The following MACF1 variants were observed in gnomAD, a reference collection of about 807,000 sequenced individuals.
MACF1 encodes microtubule-actin cross-linking factor 1.
In MACF1, 193 loss-of-function variants were observed where a neutral mutation model predicts 854.8. The observed-to-expected ratio is 0.23, with a 90% CI of 0.20 to 0.25. The LOEUF is 0.25. Ranked by LOEUF, MACF1 falls within the 10% of genes least tolerant of loss-of-function variation. MACF1 has a pLI of 1.00. For missense variants in MACF1, 7,722 were observed against 8,929.1 expected, an observed-to-expected ratio of 0.86 and a Z score of 5.45; for synonymous variants, 3,185 against 3,226.7, an observed-to-expected ratio of 0.99 and a Z score of 0.44.
At chr1:39,474,094 A>G (rs536120232) in intron 97 of MACF1, among the ~76,000 whole-genome samples, 23 of 152,092 alleles carry the variant, frequency 1.5e-4, no homozygotes, top group Admixed American at 3.3e-4. Flanking sequence ...TCTCTGTTTT[A>G]AAATAAAATA....
intron 6 of MACF1, chr1:39,268,617 C>T (rs1035275914): frequency 3.4e-6 from 4 of 1,193,960 alleles, no homozygotes; most frequent in South Asian, 1.6e-5. Flanking sequence ...GCATCGAATC[C>T]GATGAGGCCA....
intron 2 of MACF1, among the ~76,000 whole-genome samples, chr1:39,138,571 A>G (rs990262920): frequency 2.0e-5 from 3 of 151,688 alleles, no homozygotes; most frequent in Admixed American, 2.0e-4. Context: ...GGCGACAGAG[A>G]GAGACTCTGT....
intron 2 of MACF1, among the ~76,000 whole-genome samples, chr1:39,121,443 T>A (rs1390326271): frequency 6.6e-6 from 1 of 151,264 alleles, no homozygotes; most frequent in Non-Finnish European, 1.5e-5. Flanking sequence ...TGTTTTATTT[T>A]ATTTATTTAT....
chr1:39,243,516 C>T (rs1040479447), intron 2 of MACF1, among the ~76,000 whole-genome samples: 3 of 152,170 alleles, frequency 2.0e-5, no homozygotes, highest in African/African-American at 7.2e-5. Context: ...ACCCTCCCAC[C>T]TCAGACTCCT....
intron 60 of MACF1, 28 bp from the exon 61 acceptor site, chr1:39,424,000 T>A (rs774294126): frequency 6.3e-7 from 1 of 1,576,898 alleles, no homozygotes; most frequent in South Asian, 1.2e-5. Flanking sequence ...TGATCCTGTG[T>A]TACAGCTTTT....
intron 2 of MACF1, among the ~76,000 whole-genome samples, chr1:39,129,174 G>A (rs1571076684): frequency 6.6e-6 from 1 of 152,130 alleles, no homozygotes; most frequent in Non-Finnish European, 1.5e-5. Context: ...GTCAAGATGG[G>A]GTGTGTGCCT....
chr1:39,262,820 A>G (rs897374944), intron 6 of MACF1, among the ~76,000 whole-genome samples: 1 of 152,154 alleles, frequency 6.6e-6, no homozygotes, highest in Non-Finnish European at 1.5e-5. Context: ...CCGCTCCCAG[A>G]ATATTTTCTC....
At chr1:39,194,343 TTTCTTTTC>T (rs200697631) in intron 2 of MACF1, among the ~76,000 whole-genome samples, 2,233 of 64,080 alleles carry the variant, frequency 0.035, 95 homozygotes, top group African/African-American at 0.12. Context: ...TTTCTTTTCT[TTTCTTTTC>T]TTTTTTTTTT....
chr1:39,117,140 C>T (rs756926171), intron 2 of MACF1, among the ~76,000 whole-genome samples: 1 of 152,178 alleles, frequency 6.6e-6, no homozygotes, highest in Non-Finnish European at 1.5e-5. Flanking sequence ...TCAATATAAC[C>T]ACCACCTTTC....
intron 2 of MACF1, among the ~76,000 whole-genome samples, chr1:39,160,182 T>C (rs1643769271): frequency 6.6e-6 from 1 of 152,044 alleles, no homozygotes; most frequent in Non-Finnish European, 1.5e-5. Flanking sequence ...CTGGGCATGG[T>C]GATATGCACC....
At chr1:39,298,975 C>G (rs1645983006) in intron 21 of MACF1, among the ~76,000 whole-genome samples, 1 of 152,062 alleles carries the variant, frequency 6.6e-6, no homozygotes, top group Non-Finnish European at 1.5e-5. Context: ...CATGGAGTCA[C>G]CTGGGTCTGC....
intron 44 of MACF1, among the ~76,000 whole-genome samples, chr1:39,356,410 G>T (rs1466045362): frequency 6.7e-6 from 1 of 149,336 alleles, no homozygotes. Flanking sequence ...TCTCAAGTCT[G>T]TTGCCAGGCT....
At chr1:39,437,059 CTTG>C (rs1246027755) in intron 70 of MACF1, among the ~76,000 whole-genome samples, 1 of 152,080 alleles carries the variant, frequency 6.6e-6, no homozygotes, top group Non-Finnish European at 1.5e-5. Flanking sequence ...GGGCATCTAA[CTTG>C]TTGGTCTAGT....
In MACF1 at chr1:39,350,842, A is replaced by G. The variant is rs920494139; in HGVS notation, c.11023A>G (p.Ile3675Val). The G allele has an allele frequency of 6.2e-7, 1 of 1,613,924 alleles. No homozygotes were observed. The highest frequency in any genetic ancestry group is 1.3e-5 in the African/African-American group (1 of 74,908). ...ATSFATVVKD[I>V]EGFMEENQTK... ...CTCATTTGCCACTGTTGTCAAGGAC[A>G]TTGAGGGGTTCATGGAAGAGAATCA... Residue 3675 changes from isoleucine to valine, a missense_variant, in exon 43 of 101, where the codon ATT (isoleucine) becomes GTT (valine). By Grantham distance (29) the Ile-to-Val change is conservative (BLOSUM62 3). Coordinates refer to ENST00000564288, the MANE Select transcript of MACF1 (RefSeq NM_001394062.1).
chr1:39,323,230 T>C (rs956893260), intron 33 of MACF1, among the ~76,000 whole-genome samples: 5 of 152,022 alleles, frequency 3.3e-5, no homozygotes, highest in Non-Finnish European at 5.9e-5. Context: ...TGGTCCCAGT[T>C]ACTTGGGAGG....
chr1:39,213,612 C>T, intron 1 of MACF1, among the ~76,000 whole-genome samples: 1 of 152,208 alleles, frequency 6.6e-6, no homozygotes, highest in East Asian at 1.9e-4. Context: ...GCTAGGATTA[C>T]AGGCGTGAGC....
At chr1:39,401,890 A>G (rs756803390) in intron 58 of MACF1, among the ~76,000 whole-genome samples, 3 of 152,126 alleles carry the variant, frequency 2.0e-5, no homozygotes, top group African/African-American at 7.2e-5. Flanking sequence ...TTCTCTCTGT[A>G]TTATTTATTC....
rs77354288 is a variant in MACF1 at position 39,447,600 on chromosome 1, T to A, written c.19761+13T>A. The A allele has an allele frequency of 6.2e-7, 1 of 1,614,046 alleles. No individual in the cohort carries two copies. Among genetic ancestry groups the A allele is most frequent in the African/African-American group, 1.3e-5 (1 of 75,044 alleles). Reference sequence around the variant, plus strand: ...AGAAGAGCACAAGGTAAGTATGATATTATGATGCTGCATTCTTTTTGAAAG... The same window carrying A: ...AGAAGAGCACAAGGTAAGTATGATAATATGATGCTGCATTCTTTTTGAAAG... On this transcript the variant is annotated intron_variant, in intron 81 of 100. Transcript: ENST00000564288.
At chr1:39,307,982 G>A (rs551946495) in intron 23 of MACF1, among the ~76,000 whole-genome samples, 123 of 124,880 alleles carry the variant, frequency 9.8e-4, no homozygotes, top group Non-Finnish European at 1.7e-3. Context: ...TCGGCTCACC[G>A]CAAGCTCTGC....
Sources: gnomAD v4.1 joint callset for allele counts (sites outside exome capture counted in the v4.1 genomes callset) on GRCh38, gnomAD v4.1.1 for gene constraint, MANE v1.5 for transcripts, NCBI Gene and HGNC (gene_info 2026-07-23, HGNC 2026-07-21) for gene names.